Variants in PPP2R5C observed in about 807,000 individuals in gnomAD.
The protein encoded by PPP2R5C is serine/threonine-protein phosphatase 2A 56 kDa regulatory subunit gamma isoform.
Under a neutral mutation model 68.9 loss-of-function variants are expected in PPP2R5C, and 7 were observed. The ratio of observed to expected loss-of-function variants is 0.10; its 90% CI spans 0.06 to 0.19. The LOEUF is 0.19. Among genes scored for constraint, PPP2R5C ranks in the 10% least tolerant of loss-of-function variants. The pLI is 1.00. For missense variants in PPP2R5C, 348 were observed against 641.3 expected, an observed-to-expected ratio of 0.54 and a Z score of 4.94; for synonymous variants, 210 against 222.2, an observed-to-expected ratio of 0.95 and a Z score of 0.49.
intron 10 of PPP2R5C, among the ~76,000 whole-genome samples, chr14:101,907,314 G>A (rs760503012): frequency 5.9e-5 from 9 of 151,942 alleles, no homozygotes; most frequent in Non-Finnish European, 1.0e-4. Flanking sequence ...GGGACTACAG[G>A]CACCCACCGC....
At chr14:101,878,551 G>A (rs907339038) in intron 2 of PPP2R5C, among the ~76,000 whole-genome samples, 2 of 152,226 alleles carry the variant, frequency 1.3e-5, no homozygotes, top group African/African-American at 4.8e-5. Flanking sequence ...TCAGGGCTGT[G>A]CAGAGAAACA....
Position 101,891,604 on chromosome 14 carries a change from C to G in PPP2R5C, c.689+1308C>G, listed in dbSNP as rs2044928215. On this transcript the variant is annotated intron_variant, in intron 6 of 13. Coordinates refer to ENST00000334743, the Ensembl canonical transcript of PPP2R5C. The surrounding 1 kb of genome is among the most constrained non-coding windows in gnomAD (Gnocchi z 4.9). ...GCCCGCCATGCCGTGTGCGTAGGGC[C>G]CCCGTGTGCATAGGGCCGCCGGGCA... Among the ~76,000 whole-genome samples, 1 of 152,136 alleles carries G rather than the reference C, an allele frequency of 6.6e-6. No homozygotes were observed. The highest frequency in any genetic ancestry group is 1.5e-5 in the Non-Finnish European group (1 of 68,020).
chr14:101,836,182 G>A (rs1291879741), intron 1 of PPP2R5C: 1 of 702,070 alleles, frequency 1.4e-6, no homozygotes, highest in African/African-American at 1.8e-5. Flanking sequence ...AGGCTGTGAA[G>A]CTGGGCAGGG....
intron 3 of PPP2R5C, among the ~76,000 whole-genome samples, chr14:101,791,994 A>C (rs1595174381): frequency 6.6e-6 from 1 of 152,314 alleles, no homozygotes; most frequent in East Asian, 1.9e-4. Context: ...TTGCTCTGCC[A>C]GACACCTGGA....
intron 1 of PPP2R5C, chr14:101,824,135 G>T (rs1322554964): frequency 2.3e-6 from 3 of 1,285,866 alleles, no homozygotes; most frequent in Admixed American, 4.6e-5. Flanking sequence ...TGTTCAAGCT[G>T]CATTTTAGAC....
chr14:101,806,440 C>T (rs930817227), upstream of PPP2R5C, among the ~76,000 whole-genome samples: 1 of 152,150 alleles, frequency 6.6e-6, no homozygotes, highest in Non-Finnish European at 1.5e-5. Context: ...GACATGAACT[C>T]ATTCTTTTTT....
intron 8 of PPP2R5C, among the ~76,000 whole-genome samples, chr14:101,897,927 G>A (rs1312911266): frequency 2.0e-5 from 3 of 152,152 alleles, no homozygotes; most frequent in African/African-American, 7.2e-5. Context: ...GGCCAAGGCA[G>A]GAGGAGCCCT....
intron 2 of PPP2R5C, among the ~76,000 whole-genome samples, chr14:101,865,567 G>C (rs2043003701): frequency 6.6e-6 from 1 of 152,174 alleles, no homozygotes; most frequent in Admixed American, 6.5e-5. Context: ...TGCTTCTCTG[G>C]GCAGATGAAA....
At chr14:101,845,018 A>C (rs1031851321) in intron 1 of PPP2R5C, among the ~76,000 whole-genome samples, 9 of 152,136 alleles carry the variant, frequency 5.9e-5, no homozygotes, top group African/African-American at 2.2e-4. Flanking sequence ...GTTCTCCCCA[A>C]GGCTTTCTAG....
intron 13 of PPP2R5C, among the ~76,000 whole-genome samples, chr14:101,919,650 G>C: frequency 6.6e-6 from 1 of 152,170 alleles, no homozygotes; most frequent in East Asian, 1.9e-4. Flanking sequence ...TCATTTTTAA[G>C]ACACGAGGCT....
intron 2 of PPP2R5C, among the ~76,000 whole-genome samples, chr14:101,778,109 A>G (rs573202904): frequency 1.3e-5 from 2 of 152,330 alleles, no homozygotes; most frequent in Middle Eastern, 3.4e-3. Context: ...AAGAATAGGT[A>G]TCCCAGCAGG....
chr14:101,787,486 G>T (rs1264172953), intron 3 of PPP2R5C, among the ~76,000 whole-genome samples: 2 of 152,168 alleles, frequency 1.3e-5, no homozygotes, highest in Non-Finnish European at 2.9e-5. Context: ...GTTCTCGGCC[G>T]GGCGCAGTGG....
chr14:101,924,853 T>C (rs2047212657), intron 13 of PPP2R5C, among the ~76,000 whole-genome samples: 1 of 152,226 alleles, frequency 6.6e-6, no homozygotes, highest in Non-Finnish European at 1.5e-5. Context: ...GCATGAATTC[T>C]GCAAATTAGA....
intron 3 of PPP2R5C, among the ~76,000 whole-genome samples, chr14:101,793,231 C>T (rs987158078): frequency 4.6e-5 from 7 of 152,144 alleles, no homozygotes; most frequent in Non-Finnish European, 2.9e-5. Context: ...AATATATTAG[C>T]AACCAAAATC....
intron 2 of PPP2R5C, among the ~76,000 whole-genome samples, chr14:101,880,744 C>A (rs918205585): frequency 1.3e-5 from 2 of 151,982 alleles, no homozygotes; most frequent in Non-Finnish European, 2.9e-5. Context: ...CTGCAGTGAG[C>A]GATGATGGCC....
At position 101,917,281 on chromosome 14, in the gene PPP2R5C, G is replaced by GT. The variant is rs1006875223; in HGVS notation, c.1327-546dup. Among the ~76,000 whole-genome samples, 11 of 152,178 alleles carry GT rather than the reference G, an allele frequency of 7.2e-5. No homozygotes were observed. The highest frequency in any genetic ancestry group is 2.7e-4 in the African/African-American group (11 of 41,438). ...CGTCAGGCTCACCCAGGCTGCGTTT[G>GT]TTTTGGTGGAGAGCAAGTCACCCGG... On this transcript the variant is annotated intron_variant, in intron 12 of 13. Transcript: ENST00000334743. The surrounding 1 kb of genome is among the most constrained non-coding windows in gnomAD (Gnocchi z 4.4).
In PPP2R5C at chr14:101,784,510, T is replaced by TGGG. The variant is rs36040425; in HGVS notation, c.94-1500_94-1498dup. Among the ~76,000 whole-genome samples, 33 of 123,552 alleles carry TGGG rather than the reference T, an allele frequency of 2.7e-4. 1 individual carries two copies. The highest frequency in any genetic ancestry group is 9.0e-4 in the African/African-American group (30 of 33,228). The allele number at this position is 123,552 out of a possible 152,430, so 81.1% of individuals were successfully genotyped here. A position where few individuals can be genotyped will look rare whatever the true frequency, so the allele number is the denominator to read the frequency against. Reference sequence around the variant, plus strand: ...ACGGCAGCAGGAGAGAGAGAGAAAGTGGGGGGGGGGAACTGCCAAACACTT... The same window carrying TGGG: ...ACGGCAGCAGGAGAGAGAGAGAAAGTGGGGGGGGGGGGGAACTGCCAAACACTT... On this transcript the variant is annotated intron_variant, in intron 2 of 14. Coordinates refer to the PPP2R5C transcript ENST00000328724.
rs964024362 is a variant in PPP2R5C at position 101,832,233 on chromosome 14, T to G, written c.94+22197T>G. Among the ~76,000 whole-genome samples, 3 of 152,212 alleles carry G rather than the reference T, an allele frequency of 2.0e-5. No homozygotes were observed. The East Asian group carries it at 5.8e-4, about 29-fold the overall frequency. Reference sequence around the variant, plus strand: ...GAGGATTTCTTGTTATCTTCTTTCTTCGTACTGTGGGATAGATAGCCCAGG... The same window carrying G: ...GAGGATTTCTTGTTATCTTCTTTCTGCGTACTGTGGGATAGATAGCCCAGG... On this transcript the variant is annotated intron_variant, in intron 1 of 13. Coordinates refer to ENST00000334743, the Ensembl canonical transcript of PPP2R5C.
exon 2 of PPP2R5C, chr14:101,762,919 A>G (rs1760918784): frequency 6.3e-7 from 1 of 1,584,118 alleles, no homozygotes; most frequent in Non-Finnish European, 8.6e-7. Flanking sequence ...CACCAAAAGC[A>G]GGGAAGAGTG....
Sources: gnomAD v4.1 joint callset for allele counts (sites outside exome capture counted in the v4.1 genomes callset) on GRCh38, gnomAD v4.1.1 for gene constraint, Gnocchi (gnomAD v3.1) non-coding constraint, MANE v1.5 for transcripts, NCBI Gene and HGNC (gene_info 2026-07-23, HGNC 2026-07-21) for gene names.